Variants in EFR3A observed in about 807,000 individuals in gnomAD.
EFR3A encodes the protein EFR3 homolog A, also known as protein EFR3 homolog A.
A neutral mutation model predicts 104.4 loss-of-function variants in EFR3A; 76 were observed. The observed-to-expected ratio is 0.73, with a 90% confidence interval of 0.60 to 0.88. EFR3A has a LOEUF of 0.88. Among genes scored for constraint, EFR3A ranks in the 40% least tolerant of loss-of-function variants. EFR3A has a pLI of 0.00. For missense variants in EFR3A, 985 were observed against 1,012.5 expected, an observed-to-expected ratio of 0.97 and a Z score of 0.37; for synonymous variants, 330 against 330.0, an observed-to-expected ratio of 1.00 and a Z score of 0.00.
At chr8:131,967,994 GGTGGCCAGT>G (rs1454017165) in intron 8 of EFR3A, among the ~76,000 whole-genome samples, 27 of 151,858 alleles carry the variant, frequency 1.8e-4, no homozygotes, top group African/African-American at 6.5e-4. Flanking sequence ...CTTTCTCAGA[GGTGGCCAGT>G]GTTAATCTTT....
At chr8:131,982,647 G>A (rs911950729) in intron 14 of EFR3A, among the ~76,000 whole-genome samples, 2 of 152,068 alleles carry the variant, frequency 1.3e-5, no homozygotes, top group African/African-American at 4.8e-5. Flanking sequence ...TATGTAGTAG[G>A]TAATTTTTAA....
intron 7 of EFR3A, 48 bp from the exon 8 acceptor site, chr8:131,959,537 A>G: frequency 6.7e-7 from 1 of 1,489,242 alleles, no homozygotes. Context: ...CTAGAGGAAG[A>G]AAGTATAGTA....
intron 11 of EFR3A, among the ~76,000 whole-genome samples, chr8:131,976,788 T>G (rs543549311): frequency 2.0e-5 from 3 of 152,274 alleles, no homozygotes; most frequent in Admixed American, 2.0e-4. Context: ...TTATATGATT[T>G]AATTTTCTTG....
intron 1 of EFR3A, among the ~76,000 whole-genome samples, chr8:131,937,572 G>T (rs929965337): frequency 6.6e-6 from 1 of 152,070 alleles, no homozygotes; most frequent in African/African-American, 2.4e-5. Context: ...GAGAATAGTG[G>T]ATAGTTTTCT....
chr8:131,984,120 C>A lies in EFR3A; in HGVS notation c.1576-19C>A, dbSNP rs556158693. ...CATTTTAAGCAAAATTACCTTTGTC[C>A]TCTGTCTTTTCTCCTCAGAATGGGC... On this transcript the variant is annotated intron_variant, in intron 14 of 22. Transcript: ENST00000254624. The A allele has an allele frequency of 3.8e-6, 6 of 1,577,136 alleles. No individual in the cohort carries two copies. In the Admixed American group the frequency reaches 9.4e-5, roughly 25 times the overall value.
chr8:131,918,231 G>C (rs1816836441), intron 1 of EFR3A, among the ~76,000 whole-genome samples: 1 of 152,174 alleles, frequency 6.6e-6, no homozygotes, highest in Admixed American at 6.5e-5. Flanking sequence ...AGGTTGCAGT[G>C]AGTTGAGATC....
At chr8:131,921,103 G>A (rs886483700) in intron 1 of EFR3A, among the ~76,000 whole-genome samples, 1 of 152,114 alleles carries the variant, frequency 6.6e-6, no homozygotes, top group Non-Finnish European at 1.5e-5. Context: ...ATTAGAATTT[G>A]GTGTATTAGT....
chr8:131,945,125 T>C (rs1041069164), intron 3 of EFR3A, among the ~76,000 whole-genome samples: 12 of 152,052 alleles, frequency 7.9e-5, no homozygotes, highest in Non-Finnish European at 1.3e-4. Flanking sequence ...CTATTGATTT[T>C]TGAGTCTTTT....
chr8:131,919,583 A>AG (rs1816901135), intron 1 of EFR3A, among the ~76,000 whole-genome samples: 1 of 148,394 alleles, frequency 6.7e-6, no homozygotes, highest in Non-Finnish European at 1.5e-5. Flanking sequence ...GCGACAGAGC[A>AG]AGACTCCGTC....
chr8:131,940,222 A>C, intron 1 of EFR3A: 1 of 364,950 alleles, frequency 2.7e-6, no homozygotes, highest in Non-Finnish European at 5.1e-6. Flanking sequence ...GAAAGGAGGT[A>C]AAGGGGGCAC....
intron 1 of EFR3A, among the ~76,000 whole-genome samples, chr8:131,910,358 A>G (rs1586514052): frequency 6.6e-6 from 1 of 150,538 alleles, no homozygotes. Context: ...TGCAACCTCC[A>G]CCTCCTGGAC....
At chr8:132,005,171 A>T (rs189941876) in intron 22 of EFR3A, among the ~76,000 whole-genome samples, 1 of 152,302 alleles carries the variant, frequency 6.6e-6, no homozygotes, top group East Asian at 1.9e-4. Flanking sequence ...GAAGTTAGGT[A>T]ACTTATACAG....
intron 2 of EFR3A, 38 bp from the exon 3 acceptor site, chr8:131,944,707 A>C: frequency 2.0e-6 from 3 of 1,510,994 alleles, no homozygotes; most frequent in Non-Finnish European, 2.7e-6. Context: ...ATAAGCATGA[A>C]AATATAGATA....
chr8:131,970,690 A>G (rs760198188), intron 10 of EFR3A, 47 bp downstream of exon 10: 1 of 1,552,480 alleles, frequency 6.4e-7, no homozygotes, highest in South Asian at 1.2e-5. Context: ...ACAGTGATTT[A>G]CAAAGCTCTC....
In EFR3A at chr8:131,953,883, G is replaced by A. The variant is rs754361137; in HGVS notation, c.554G>A (p.Arg185Gln). ...CGCAAAACAGTCAACGATGAACTTCGGGCCACCATTTGGGAACCTCAGCAT... is the reference window on the plus strand; with the variant it reads ...CGCAAAACAGTCAACGATGAACTTCAGGCCACCATTTGGGAACCTCAGCAT... Reference protein sequence around the residue: ...VVRKTVNDELRATIWEPQHMD... With the variant: ...VVRKTVNDELQATIWEPQHMD... The change falls in exon 6 of 23, where the codon CGG becomes CAG. Residue 185 changes from arginine (R) to glutamine (Q), a missense_variant. Arg to Gln is a conservative substitution (Grantham distance 43). Transcript: ENST00000254624. The A allele has an allele frequency of 4.6e-5, 72 of 1,575,996 alleles. 1 individual carries two copies. The South Asian group carries it at 8.1e-4, about 18-fold the overall frequency.
At chr8:131,956,752 G>T (rs1819018760) in intron 7 of EFR3A, among the ~76,000 whole-genome samples, 1 of 152,064 alleles carries the variant, frequency 6.6e-6, no homozygotes, top group South Asian at 2.1e-4. Flanking sequence ...AAAAATTAGA[G>T]AATCATTAGA....
chr8:132,001,632 A>G, intron 19 of EFR3A, 127 bp from the exon 20 acceptor site: 1 of 736,432 alleles, frequency 1.4e-6, no homozygotes, highest in South Asian at 1.7e-5. Flanking sequence ...ATCACAGCTC[A>G]CAGCTCAGAC....
chr8:131,987,814 CCCAG>C, intron 18 of EFR3A, 112 bp downstream of exon 18: 1 of 1,157,332 alleles, frequency 8.6e-7, no homozygotes, highest in Non-Finnish European at 1.2e-6. Context: ...CTTACTATAG[CCCAG>C]CCATTTTCAA....
chr8:131,965,509 A>C (rs1819654935), intron 8 of EFR3A, among the ~76,000 whole-genome samples: 1 of 152,254 alleles, frequency 6.6e-6, no homozygotes. Context: ...AACCACAATG[A>C]GATACCATCT....
Sources: gnomAD v4.1 joint callset for allele counts (sites outside exome capture counted in the v4.1 genomes callset) on GRCh38, gnomAD v4.1.1 for gene constraint, MANE v1.5 for transcripts, NCBI Gene and HGNC (gene_info 2026-07-23, HGNC 2026-07-21) for gene names.